The following CDH18 variants were observed in gnomAD, a reference collection of about 807,000 sequenced individuals.
CDH18 encodes cadherin-18.
Under a neutral mutation model 67.9 loss-of-function variants are expected in CDH18, and 31 were observed. The ratio of observed to expected loss-of-function variants is 0.46; its 90% CI spans 0.34 to 0.62. CDH18 has a LOEUF of 0.62. Ranked by LOEUF, CDH18 falls within the 20% of genes least tolerant of loss-of-function variation. CDH18 has a pLI of 0.01. For missense variants in CDH18, 890 were observed against 975.5 expected (o/e 0.91, Z 1.17); for synonymous variants, 362 against 347.2 (o/e 1.04, Z -0.48).
chr5:20,018,363 A>G (rs1218509190), intron 2 of CDH18, among the ~76,000 whole-genome samples: 1 of 152,218 alleles, frequency 6.6e-6, no homozygotes, highest in Non-Finnish European at 1.5e-5. Flanking sequence ...ACATAGAAAT[A>G]GACATAGAGT....
chr5:19,858,380 G>A (rs1784523144), intron 2 of CDH18, among the ~76,000 whole-genome samples: 2 of 152,112 alleles, frequency 1.3e-5, no homozygotes, highest in Admixed American at 1.3e-4. Context: ...CCCAGATCAG[G>A]AAAAAGACCT....
At chr5:20,122,178 C>T (rs1240723022) in intron 2 of CDH18, among the ~76,000 whole-genome samples, 1 of 152,192 alleles carries the variant, frequency 6.6e-6, no homozygotes, top group African/African-American at 2.4e-5. Flanking sequence ...TGCCTAGTTC[C>T]TTCAGGGAAC....
At chr5:20,187,029 G>T (rs940402384) in intron 2 of CDH18, among the ~76,000 whole-genome samples, 3 of 151,884 alleles carry the variant, frequency 2.0e-5, no homozygotes, top group African/African-American at 4.8e-5. Context: ...TTAAGTGAAA[G>T]AAGCCAGTCA....
At chr5:19,826,576 G>C (rs1780425135) in intron 3 of CDH18, among the ~76,000 whole-genome samples, 1 of 152,114 alleles carries the variant, frequency 6.6e-6, no homozygotes, top group Non-Finnish European at 1.5e-5. Context: ...ACTATATTTA[G>C]CATTCTTAAA....
rs73763404 is a variant in CDH18, at chr5:20,448,811, C to T, written c.-580+126651G>A. 4.4e-3 allele frequency among the ~76,000 whole-genome samples: 675 copies of T among 152,086 alleles called. 1 individual carries two copies. Among genetic ancestry groups the T allele is most frequent in the African/African-American group, 0.015 (640 of 41,480 alleles). ...AAACTTATGAAAAGTTTTTGTTTTC[C>T]GATTAACCAAAACAATGACCAAAAT... On this transcript the variant is annotated intron_variant, in intron 1 of 14. Coordinates refer to the CDH18 transcript ENST00000507958.
chr5:19,657,855 T>C (rs1756610843), intron 5 of CDH18, among the ~76,000 whole-genome samples: 1 of 152,144 alleles, frequency 6.6e-6, no homozygotes, highest in Non-Finnish European at 1.5e-5. Flanking sequence ...GTTCTCTTCA[T>C]TCTTAACAGA....
intron 1 of CDH18, among the ~76,000 whole-genome samples, chr5:20,265,572 G>T (rs1744970474): frequency 6.6e-6 from 1 of 151,622 alleles, no homozygotes; most frequent in Non-Finnish European, 1.5e-5. Flanking sequence ...CAAGACTGAA[G>T]GAGTATCAAA....
chr5:19,638,991 T>TG (rs1414999036), intron 5 of CDH18, among the ~76,000 whole-genome samples: 3 of 103,980 alleles, frequency 2.9e-5, no homozygotes, highest in Admixed American at 2.2e-4. Context: ...TTTTTTTTTT[T>TG]TTTTTTTTTT....
chr5:19,818,753 C>T (rs1581490256), intron 3 of CDH18, among the ~76,000 whole-genome samples: 1 of 152,094 alleles, frequency 6.6e-6, no homozygotes, highest in South Asian at 2.1e-4. Context: ...ATATGCATAT[C>T]TAAACATAAA....
chr5:19,493,934 G>C (rs1439329513), intron 11 of CDH18, among the ~76,000 whole-genome samples: 1 of 151,932 alleles, frequency 6.6e-6, no homozygotes, highest in Non-Finnish European at 1.5e-5. Flanking sequence ...GTAACATTCA[G>C]TATTTTGAAA....
chr5:19,615,025 T>C (rs1749593075), intron 5 of CDH18, among the ~76,000 whole-genome samples: 2 of 152,026 alleles, frequency 1.3e-5, no homozygotes, highest in African/African-American at 4.8e-5. Context: ...CACGAGCCTG[T>C]AGTCCCAGCT....
chr5:19,675,730 G>A (rs1017244062), intron 5 of CDH18, among the ~76,000 whole-genome samples: 3 of 151,932 alleles, frequency 2.0e-5, no homozygotes, highest in African/African-American at 4.8e-5. Flanking sequence ...CTCAGCTTAC[G>A]AAGATGACAG....
At chr5:19,698,704 G>A (rs566181423) in intron 5 of CDH18, among the ~76,000 whole-genome samples, 9 of 152,056 alleles carry the variant, frequency 5.9e-5, no homozygotes, top group South Asian at 2.1e-4. Flanking sequence ...AAAATAATAT[G>A]TATACATAAA....
intron 2 of CDH18, among the ~76,000 whole-genome samples, chr5:19,852,680 A>G (rs1216416604): frequency 6.6e-6 from 1 of 152,002 alleles, no homozygotes; most frequent in African/African-American, 2.4e-5. Flanking sequence ...GAGGCTGCAA[A>G]TATTCCCTTT....
chr5:20,124,376 G>A (rs1748643132), intron 2 of CDH18, among the ~76,000 whole-genome samples: 1 of 152,150 alleles, frequency 6.6e-6, no homozygotes, highest in Non-Finnish European at 1.5e-5. Flanking sequence ...TTCCATCTGA[G>A]GAAGCCAGAT....
intron 5 of CDH18, among the ~76,000 whole-genome samples, chr5:19,705,100 G>A (rs537997777): frequency 9.9e-5 from 15 of 152,256 alleles, no homozygotes; most frequent in African/African-American, 2.6e-4. Context: ...ACTTATGTAC[G>A]GCAAGCAGCT....
intron 1 of CDH18, among the ~76,000 whole-genome samples, chr5:20,286,763 T>C (rs1429349883): frequency 1.3e-5 from 2 of 151,754 alleles, no homozygotes; most frequent in African/African-American, 4.8e-5. Context: ...CCTTCATCTA[T>C]GGTGACTAAG....
Position 19,483,368 on chromosome 5 carries a change from G to A in CDH18, c.1815C>T (p.Phe605=), listed in dbSNP as rs1220047013. The A allele has an allele frequency of 6.2e-7, 1 of 1,614,090 alleles. No individual in the cohort carries two copies. The stretch of plus-strand genomic sequence containing the variant: ...CTGTACTCAAACCAGCCGAGGACAG[G>A]AAGGCTTCTGCATGGCAGGTCCGCA... ...GRVRTCHAEA[F]LSSAGLSTGA... Residue 605 remains phenylalanine (F), a synonymous_variant, in exon 12 of 13, where the codon TTC becomes TTT. Coordinates refer to ENST00000382275, the MANE Select transcript of CDH18 (RefSeq NM_004934.5).
At chr5:20,480,854 A>C (rs1752756427) in intron 1 of CDH18, among the ~76,000 whole-genome samples, 2 of 152,204 alleles carry the variant, frequency 1.3e-5, no homozygotes, top group Non-Finnish European at 2.9e-5. Flanking sequence ...TGCCACTGCC[A>C]CACATAAACA....
Sources: allele counts gnomAD v4.1 joint callset (sites outside exome capture counted in the v4.1 genomes callset), GRCh38; gene constraint gnomAD v4.1.1; transcripts MANE v1.5; gene names NCBI Gene and HGNC (gene_info 2026-07-23, HGNC 2026-07-21).